The following SLC4A5 variants were observed in gnomAD, a reference collection of about 807,000 sequenced individuals.
SLC4A5 encodes the protein electrogenic sodium bicarbonate cotransporter 4.
SLC4A5 carries 96 observed loss-of-function variants against 120.4 expected under a neutral mutation model. The observed-to-expected ratio is 0.80, with a 90% CI of 0.68 to 0.94. The LOEUF (loss-of-function observed/expected upper bound fraction) is 0.94, where lower values mean the gene tolerates loss of function less well. SLC4A5 is among the 40% of genes least tolerant of loss of function. The pLI is 0.00. For synonymous variants in SLC4A5, 550 were observed against 571.1 expected, an observed-to-expected ratio of 0.96 and a Z score of 0.53; for missense variants, 1,259 against 1,459.5, an observed-to-expected ratio of 0.86 and a Z score of 2.24.
intron 3 of SLC4A5, among the ~76,000 whole-genome samples, chr2:74,337,760 G>A (rs935397239): frequency 6.6e-5 from 10 of 152,192 alleles, no homozygotes; most frequent in South Asian, 2.1e-4. Context: ...TTTGCATCCC[G>A]ATCTGCCTTG....
chr2:74,247,037 T>C (rs764722482), exon 19 of SLC4A5: 3 of 1,613,534 alleles, frequency 1.9e-6, no homozygotes, highest in Non-Finnish European at 2.5e-6. Flanking sequence ...ACCGGTCACC[T>C]GTGTCAGGGG....
chr2:74,326,274 C>T (rs2104328358), intron 5 of SLC4A5, among the ~76,000 whole-genome samples: 1 of 152,326 alleles, frequency 6.6e-6, no homozygotes, highest in Middle Eastern at 3.4e-3. Flanking sequence ...GTGCTAGCAA[C>T]ACATCAGCCT....
chr2:74,294,757 C>T lies in SLC4A5; in HGVS notation c.272-8855G>A, dbSNP rs145475304. Among the ~76,000 whole-genome samples the T allele has an allele frequency of 8.9e-3, 1,354 of 151,906 alleles. 23 individuals carry two copies. Among genetic ancestry groups the T allele is most frequent in the African/African-American group, 0.03 (1,238 of 41,348 alleles). ...CGCAATCTCAGCTAACTACAACCTCCGCCTCCAGTGTTCAAGCAATTCTTG... is the reference window on the plus strand; with the variant it reads ...CGCAATCTCAGCTAACTACAACCTCTGCCTCCAGTGTTCAAGCAATTCTTG... On this transcript the variant is annotated intron_variant, in intron 7 of 30. Transcript: ENST00000394019.
intron 7 of SLC4A5, among the ~76,000 whole-genome samples, chr2:74,286,428 T>C (rs1486733626): frequency 6.6e-6 from 1 of 152,222 alleles, no homozygotes; most frequent in African/African-American, 2.4e-5. Context: ...AGCTGCCCAT[T>C]GGAAGTCACT....
exon 21 of SLC4A5, chr2:74,239,490 T>G (rs1238812313): frequency 6.2e-7 from 1 of 1,613,926 alleles, no homozygotes; most frequent in Non-Finnish European, 8.5e-7. Context: ...CACTCCTTCT[T>G]GCTCAGCAGG....
rs750730537 is a variant in SLC4A5 at position 74,232,688 on chromosome 2, G to A, written c.2596-41C>T. Reference sequence around the variant, plus strand: ...TGGGGGAGGGAGAAGTTTCTGGGGAGCCAGTTCCTCCTGGATGCAACCATT... The same window carrying A: ...TGGGGGAGGGAGAAGTTTCTGGGGAACCAGTTCCTCCTGGATGCAACCATT... On this transcript the variant is annotated intron_variant, in intron 23 of 30. Transcript: ENST00000394019. The A allele has an allele frequency of 5.0e-6, 8 of 1,601,430 alleles. No homozygotes were observed. The South Asian group carries it at 8.9e-5, about 18-fold the overall frequency.
chr2:74,239,609 C>T, intron 20 of SLC4A5, 74 bp from the exon 21 acceptor site: 3 of 1,452,690 alleles, frequency 2.1e-6, no homozygotes, highest in Non-Finnish European at 2.9e-6. Context: ...CCACTGCAGT[C>T]CCCAGGCAGC....
At chr2:74,217,908 A>G (rs59237163) in exon 31 of SLC4A5, 17,534 of 152,320 alleles carry the variant, frequency 0.12, 1,480 homozygotes, top group East Asian at 0.42. Context: ...GGTTCAAGCG[A>G]TTCTCCTGCC....
chr2:74,221,984 T>A (rs1694666910), intron 29 of SLC4A5, among the ~76,000 whole-genome samples: 2 of 152,084 alleles, frequency 1.3e-5, no homozygotes, highest in Non-Finnish European at 2.9e-5. Context: ...GGCAGTAATA[T>A]AATCTCCCAG....
intron 5 of SLC4A5, among the ~76,000 whole-genome samples, chr2:74,316,804 C>T (rs73948761): frequency 0.032 from 4,932 of 152,264 alleles, 278 homozygotes; most frequent in African/African-American, 0.11. Flanking sequence ...ATAACTATAG[C>T]TTTGATTGGA....
intron 8 of SLC4A5, among the ~76,000 whole-genome samples, chr2:74,278,906 T>C (rs1014310540): frequency 6.6e-6 from 1 of 152,234 alleles, no homozygotes; most frequent in Non-Finnish European, 1.5e-5. Flanking sequence ...GGCTCATGTA[T>C]ACCAGCCATC....
chr2:74,232,578 G>A lies in SLC4A5; in HGVS notation c.2665C>T (p.Leu889Phe). ...ACCGTGGCAGCCACGTACCAGGGGA[G>A]CCCCATAAAGGAGCACAAAGCCATG... Residue 889 changes from leucine to phenylalanine, a missense_variant, in exon 24 of 31, where the codon CTC becomes TTC. Leu to Phe is a conservative substitution (Grantham distance 22). Transcript: ENST00000394019. 6.2e-7 allele frequency: 1 copy of A among 1,613,964 alleles called. No homozygotes were observed. Among genetic ancestry groups the A allele is most frequent in the Non-Finnish European group, 8.5e-7 (1 of 1,179,942 alleles).
At chr2:74,301,638 C>T (rs147221942) in intron 7 of SLC4A5, among the ~76,000 whole-genome samples, 429 of 152,322 alleles carry the variant, frequency 2.8e-3, no homozygotes, top group African/African-American at 9.9e-3. Context: ...ATGATTCTGG[C>T]GCTGTTTTAT....
chr2:74,304,097 C>T (rs1375408011), intron 7 of SLC4A5, among the ~76,000 whole-genome samples: 10 of 152,158 alleles, frequency 6.6e-5, no homozygotes, highest in Non-Finnish European at 2.9e-5. Flanking sequence ...GATCCGCCCA[C>T]CTCGGCCTCC....
At chr2:74,280,673 G>A (rs1417028468) in intron 8 of SLC4A5, among the ~76,000 whole-genome samples, 2 of 146,350 alleles carry the variant, frequency 1.4e-5, no homozygotes, top group East Asian at 4.3e-4. Context: ...TGTTAAGAGG[G>A]CATTATACAG....
intron 6 of SLC4A5, among the ~76,000 whole-genome samples, chr2:74,311,593 T>C (rs1157977794): frequency 6.6e-6 from 1 of 152,232 alleles, no homozygotes; most frequent in Non-Finnish European, 1.5e-5. Context: ...GTTTAATCTC[T>C]AAATATGTTG....
chr2:74,317,866 C>G (rs2104306395), intron 5 of SLC4A5, among the ~76,000 whole-genome samples: 1 of 152,280 alleles, frequency 6.6e-6, no homozygotes. Flanking sequence ...TCAACAAGTC[C>G]AGCCTGGCCA....
chr2:74,264,949 C>A (rs1671256477), intron 9 of SLC4A5, among the ~76,000 whole-genome samples, 155 bp downstream of exon 9: 1 of 152,174 alleles, frequency 6.6e-6, no homozygotes, highest in African/African-American at 2.4e-5. Context: ...TGACTATGAT[C>A]CTGCCCTGGG....
At chr2:74,272,516 G>A (rs1339036264) in intron 8 of SLC4A5, among the ~76,000 whole-genome samples, 2 of 152,164 alleles carry the variant, frequency 1.3e-5, no homozygotes, top group Non-Finnish European at 2.9e-5. Context: ...GGGGAAGCAG[G>A]TCAAGTGGAA....
Sources: gnomAD v4.1 joint callset for allele counts (sites outside exome capture counted in the v4.1 genomes callset) on GRCh38, gnomAD v4.1.1 for gene constraint, MANE v1.5 for transcripts, NCBI Gene and HGNC (gene_info 2026-07-23, HGNC 2026-07-21) for gene names.